CEP170: variants seen among roughly 807,000 people sequenced by gnomAD.
CEP170 encodes the protein centrosomal protein of 170 kDa.
Under a neutral mutation model 151.9 loss-of-function variants are expected in CEP170, and 21 were observed. The observed-to-expected ratio is 0.14, with a 90% CI of 0.10 to 0.20. The LOEUF is 0.20. CEP170 is among the 10% of genes least tolerant of loss of function. The pLI, the probability that CEP170 is intolerant of heterozygous loss-of-function variation, is 1.00. For missense variants in CEP170, 964 were observed against 1,892.9 expected (o/e 0.51, Z 9.11); for synonymous variants, 356 against 648.8 (o/e 0.55, Z 6.86).
chr1:243,172,161 T>C (rs2058894132), intron 11 of CEP170, among the ~76,000 whole-genome samples: 1 of 152,214 alleles, frequency 6.6e-6, no homozygotes, highest in South Asian at 2.1e-4. Flanking sequence ...AACTGCTTAC[T>C]GAAACCTAAT....
chr1:243,178,599 T>C (rs966058114), intron 10 of CEP170, among the ~76,000 whole-genome samples: 29 of 152,326 alleles, frequency 1.9e-4, no homozygotes, highest in African/African-American at 6.3e-4. Context: ...GTGCTGATGG[T>C]TGTACAACCC....
chr1:243,126,924 G>T (rs1471251488), intron 19 of CEP170, among the ~76,000 whole-genome samples, 186 bp from the exon 20 acceptor site: 2 of 152,272 alleles, frequency 1.3e-5, no homozygotes, highest in East Asian at 3.9e-4. Flanking sequence ...ACCCAGCCCT[G>T]AATACTTTCT....
intron 13 of CEP170, among the ~76,000 whole-genome samples, chr1:243,159,763 T>TTGTGTATGTGTGTGTGTGTGTGTG (rs2057895506): frequency 7.9e-6 from 1 of 127,076 alleles, no homozygotes; most frequent in East Asian, 2.3e-4. Context: ...GTTTCCGGTT[T>TTGTGTATGTGTGTGTGTGTGTGTG]TGTGTGTGTG....
intron 1 of CEP170, among the ~76,000 whole-genome samples, chr1:243,233,727 C>T (rs2063980594): frequency 1.9e-5 from 1 of 53,280 alleles, no homozygotes; most frequent in Non-Finnish European, 4.0e-5. Context: ...AGCAAGACTC[C>T]ATCTCAAAAA....
At chr1:243,215,293 C>T (rs1056536585) in intron 3 of CEP170, among the ~76,000 whole-genome samples, 5 of 152,058 alleles carry the variant, frequency 3.3e-5, no homozygotes, top group South Asian at 2.1e-4. Context: ...AGGATAACAG[C>T]GATGTTCAGG....
At chr1:243,168,212 A>G (rs2058578115) in intron 12 of CEP170, 1 of 152,032 alleles carries the variant, frequency 6.6e-6, no homozygotes, top group Non-Finnish European at 1.5e-5. Flanking sequence ...ATATAAATAA[A>G]TGACGTAGCT....
At chr1:243,214,398 G>A (rs1432228769) in intron 3 of CEP170, among the ~76,000 whole-genome samples, 1 of 144,770 alleles carries the variant, frequency 6.9e-6, no homozygotes, top group African/African-American at 2.6e-5. Context: ...CGATTCTCCT[G>A]CCTCAGCCTC....
chr1:243,138,269 G>A (rs1210419275), intron 16 of CEP170, among the ~76,000 whole-genome samples: 3 of 151,812 alleles, frequency 2.0e-5, no homozygotes, highest in Non-Finnish European at 4.4e-5. Flanking sequence ...GAATGATTAT[G>A]AGTAAGTTTA....
intron 6 of CEP170, 59 bp downstream of exon 6, chr1:243,200,459 A>T: frequency 1.3e-6 from 2 of 1,585,112 alleles, no homozygotes; most frequent in South Asian, 2.3e-5. Flanking sequence ...CTGAGAACAA[A>T]GCATGCAGTG....
chr1:243,152,413 G>T (rs1442169964), intron 14 of CEP170, among the ~76,000 whole-genome samples: 1 of 151,432 alleles, frequency 6.6e-6, no homozygotes, highest in Non-Finnish European at 1.5e-5. Context: ...AGTAGAGATG[G>T]GGTTTCACCA....
At chr1:243,128,172 T>C (rs1455073060) in intron 19 of CEP170, 77 bp downstream of exon 19, 1 of 1,314,324 alleles carries the variant, frequency 7.6e-7, no homozygotes, top group Admixed American at 3.3e-5. Context: ...ATCCTAACAA[T>C]ATTTTAAGAA....
rs766633286 is a variant in CEP170, at chr1:243,128,626, G to GC, written c.4414-327dup. ...CTGTCGCCCAGACTGGAGTGCAATG[G>GC]CGCAATCTTGGCTCACTGTAACCTC... is the stretch of plus-strand genomic sequence containing the variant. On this transcript the variant is annotated intron_variant, in intron 18 of 19. Coordinates refer to ENST00000366542, the MANE Select transcript of CEP170 (RefSeq NM_014812.3). The GC allele has an allele frequency of 3.7e-4, 74 of 202,648 alleles. 1 individual carries two copies. Among genetic ancestry groups the GC allele is most frequent in the Non-Finnish European group, 6.6e-4 (67 of 101,388 alleles). 12.6% of individuals were successfully genotyped at this position (202,648 alleles called of 1,614,324 possible).
intron 1 of CEP170, among the ~76,000 whole-genome samples, chr1:243,227,283 G>C (rs2063376893): frequency 6.6e-6 from 1 of 151,470 alleles, no homozygotes; most frequent in Non-Finnish European, 1.5e-5. Context: ...AAAAAATCCT[G>C]TCACTTAAAT....
chr1:243,187,849 G>A (rs1278407392), intron 8 of CEP170, among the ~76,000 whole-genome samples: 1 of 152,144 alleles, frequency 6.6e-6, no homozygotes, highest in Non-Finnish European at 1.5e-5. Flanking sequence ...TCATGTCTTG[G>A]AAAAGTAATA....
At position 243,158,787 on chromosome 1, in the gene CEP170, G is replaced by A. The variant is rs549410289; in HGVS notation, c.3677-2332C>T. Among the ~76,000 whole-genome samples, 821 of 152,170 alleles carry A rather than the reference G, an allele frequency of 5.4e-3. 5 individuals are homozygous for A. The highest frequency in any genetic ancestry group is 7.0e-3 in the Non-Finnish European group (474 of 68,022). ...TATCTTTTAAAAGCAATCAGGGGCC[G>A]GGCACAGTGGCTAACTAACGCCTGT... On this transcript the variant is annotated intron_variant, in intron 13 of 19. Coordinates refer to ENST00000366542, the MANE Select transcript of CEP170 (RefSeq NM_014812.3).
chr1:243,133,282 C>G (rs2054629117), intron 17 of CEP170, among the ~76,000 whole-genome samples: 1 of 152,200 alleles, frequency 6.6e-6, no homozygotes, highest in African/African-American at 2.4e-5. Context: ...TACCTGCCTT[C>G]TACACTCAAA....
intron 13 of CEP170, among the ~76,000 whole-genome samples, chr1:243,157,987 CT>C (rs1452818372): frequency 3.3e-5 from 5 of 152,042 alleles, no homozygotes; most frequent in African/African-American, 4.8e-5. Context: ...AGTCATAGAC[CT>C]TTTTTGAGGA....
At chr1:243,152,115 T>C (rs540710483) in intron 14 of CEP170, among the ~76,000 whole-genome samples, 25 of 152,332 alleles carry the variant, frequency 1.6e-4, no homozygotes, top group African/African-American at 4.3e-4. Flanking sequence ...TCATGGACAA[T>C]GTACCTGGTT....
intron 1 of CEP170, among the ~76,000 whole-genome samples, chr1:243,240,808 T>G (rs1381977842): frequency 6.6e-6 from 1 of 152,172 alleles, no homozygotes; most frequent in Non-Finnish European, 1.5e-5. Context: ...TTCTCCTGCC[T>G]CAGCCTCCCA....
Sources: gnomAD v4.1 joint callset for allele counts (sites outside exome capture counted in the v4.1 genomes callset) on GRCh38, gnomAD v4.1.1 for gene constraint, MANE v1.5 for transcripts, NCBI Gene and HGNC (gene_info 2026-07-23, HGNC 2026-07-21) for gene names.